The following ALDH1L1 variants were observed in gnomAD, a reference collection of about 807,000 sequenced individuals.
ALDH1L1 encodes cytosolic 10-formyltetrahydrofolate dehydrogenase.
A neutral mutation model predicts 101.1 loss-of-function variants in ALDH1L1; 68 were observed. The ratio of observed to expected loss-of-function variants is 0.67; its 90% confidence interval spans 0.55 to 0.82. ALDH1L1 has a LOEUF of 0.82. Among genes scored for constraint, ALDH1L1 ranks in the 40% least tolerant of loss-of-function variants. The pLI is 0.00. For missense variants in ALDH1L1, 1,087 were observed against 1,172.7 expected (o/e 0.93, Z 1.07); for synonymous variants, 486 against 470.8 (o/e 1.03, Z -0.42).
At chr3:126,177,440 G>T (rs1046626898) in intron 1 of ALDH1L1, among the ~76,000 whole-genome samples, 8 of 152,064 alleles carry the variant, frequency 5.3e-5, no homozygotes, top group African/African-American at 1.9e-4. Flanking sequence ...TTTGCTAAGC[G>T]AAAGAAGCCA....
intron 1 of ALDH1L1, among the ~76,000 whole-genome samples, chr3:126,164,877 C>G (rs938695456): frequency 1.3e-5 from 2 of 152,170 alleles, no homozygotes; most frequent in Admixed American, 6.5e-5. Flanking sequence ...TATAGCCTCA[C>G]CAGCACTGTT....
intron 7 of ALDH1L1, 38 bp downstream of exon 7, chr3:126,153,406 G>T (rs939044088): frequency 3.7e-6 from 6 of 1,610,148 alleles, no homozygotes; most frequent in African/African-American, 2.7e-5. Context: ...AGCATGGGTG[G>T]CTTTGAGCAG....
Position 126,197,223 on chromosome 3 carries a change from G to A in ALDH1L1, c.-24+512C>T, listed in dbSNP as rs186350549. On this transcript the variant is annotated intron_variant, in intron 1 of 2. Coordinates refer to the ALDH1L1 transcript ENST00000509952. ...TGTAAGTTATCTTTAGTAACGTTTC[G>A]CTGTTTCTGTAAGACTTTGCTGCCT... 1.7e-3 allele frequency among the ~76,000 whole-genome samples: 266 copies of A among 152,184 alleles called. 1 individual carries two copies. Among genetic ancestry groups the A allele is most frequent in the African/African-American group, 6.2e-3 (256 of 41,504 alleles).
intron 4 of ALDH1L1, 29 bp from the exon 5 acceptor site, chr3:126,155,532 C>T (rs1179556980): frequency 2.5e-6 from 4 of 1,592,628 alleles, no homozygotes; most frequent in Non-Finnish European, 3.4e-6. Context: ...TTGCTATCCC[C>T]AGCAATAGGA....
chr3:126,176,059 T>A (rs2081360075), intron 1 of ALDH1L1, among the ~76,000 whole-genome samples: 1 of 152,140 alleles, frequency 6.6e-6, no homozygotes, highest in African/African-American at 2.4e-5. Flanking sequence ...AATAAACAAT[T>A]GAAATTTGAG....
At chr3:126,147,883 C>T (rs1313804208) in intron 8 of ALDH1L1, among the ~76,000 whole-genome samples, 3 of 152,194 alleles carry the variant, frequency 2.0e-5, no homozygotes, top group African/African-American at 7.2e-5. Flanking sequence ...CTGTCTGCCA[C>T]ACACCTGCTG....
At chr3:126,183,065 G>A (rs902122835), upstream of ALDH1L1, among the ~76,000 whole-genome samples, 1 of 152,226 alleles carries the variant, frequency 6.6e-6, no homozygotes, top group African/African-American at 2.4e-5. Context: ...GCAGGCCAGT[G>A]CAAGGAAGAT....
At chr3:126,184,773 A>G (rs2081503325), upstream of ALDH1L1, among the ~76,000 whole-genome samples, 1 of 152,220 alleles carries the variant, frequency 6.6e-6, no homozygotes, top group Non-Finnish European at 1.5e-5. Flanking sequence ...TTGGGGAATC[A>G]GTAACTGGGA....
At chr3:126,180,731 A>G, upstream of ALDH1L1, 1 of 1,414,876 alleles carries the variant, frequency 7.1e-7, no homozygotes, top group East Asian at 2.5e-5. Flanking sequence ...GGGCGGGTCT[A>G]TAAATGCCAT....
intron 12 of ALDH1L1, among the ~76,000 whole-genome samples, chr3:126,133,313 G>C (rs2080352849): frequency 6.6e-6 from 1 of 152,198 alleles, no homozygotes; most frequent in African/African-American, 2.4e-5. Flanking sequence ...GGCTCCCACT[G>C]CATCACTGTG....
chr3:126,141,861 A>G (rs1341906770), intron 9 of ALDH1L1, among the ~76,000 whole-genome samples: 2 of 152,104 alleles, frequency 1.3e-5, no homozygotes, highest in East Asian at 1.9e-4. Flanking sequence ...TAGAACAGAG[A>G]TAAATGAAAT....
At chr3:126,161,610 T>C (rs1308006585) in intron 1 of ALDH1L1, among the ~76,000 whole-genome samples, 1 of 152,236 alleles carries the variant, frequency 6.6e-6, no homozygotes, top group Non-Finnish European at 1.5e-5. Context: ...TAGCTAATCA[T>C]GCACATTCTC....
At position 126,160,997 on chromosome 3, in the gene ALDH1L1, A is replaced by T; in HGVS notation, c.-18T>A. 3.7e-6 allele frequency: 6 copies of T among 1,614,132 alleles called. No homozygotes were observed. Among genetic ancestry groups the T allele is most frequent in the Non-Finnish European group, 5.1e-6 (6 of 1,180,018 alleles). On this transcript the variant is annotated 5_prime_UTR_variant, in exon 2 of 23. Transcript: ENST00000393434. ...ATCTTCATGGTAGCAGGAGGGTTGG[A>T]AGGACCTGGAGAAGGAATAAGGCAG...
At chr3:126,164,248 T>C (rs558337628) in intron 1 of ALDH1L1, among the ~76,000 whole-genome samples, 9 of 152,350 alleles carry the variant, frequency 5.9e-5, no homozygotes, top group African/African-American at 1.7e-4. Context: ...CTATTCAGGT[T>C]TTGGTGTAGC....
At chr3:126,144,437 C>T (rs2080631156) in intron 9 of ALDH1L1, among the ~76,000 whole-genome samples, 3 of 152,214 alleles carry the variant, frequency 2.0e-5, no homozygotes, top group Admixed American at 1.3e-4. Flanking sequence ...AGAGGACTCA[C>T]ATTTCCTGAT....
At chr3:126,160,822 A>C (rs775184232) in intron 2 of ALDH1L1, 31 bp downstream of exon 2, 1 of 1,609,348 alleles carries the variant, frequency 6.2e-7, no homozygotes, top group South Asian at 1.1e-5. Flanking sequence ...GCCGCCCTCC[A>C]TCAGCTTCCC....
At chr3:126,184,524 T>A (rs2081500968), upstream of ALDH1L1, among the ~76,000 whole-genome samples, 1 of 152,230 alleles carries the variant, frequency 6.6e-6, no homozygotes, top group African/African-American at 2.4e-5. Context: ...GCAGTGACAG[T>A]GGCTGGATAA....
At chr3:126,148,616 G>A (rs1428402780) in intron 8 of ALDH1L1, among the ~76,000 whole-genome samples, 2 of 152,134 alleles carry the variant, frequency 1.3e-5, no homozygotes, top group Admixed American at 1.3e-4. Flanking sequence ...ACAGCTAGAG[G>A]AGGACTTGAG....
chr3:126,159,717 G>A (rs1441793174), intron 2 of ALDH1L1, among the ~76,000 whole-genome samples: 1 of 152,232 alleles, frequency 6.6e-6, no homozygotes, highest in Non-Finnish European at 1.5e-5. Context: ...TGGGTCCAGG[G>A]TCAGCAGCTG....
Sources: allele counts gnomAD v4.1 joint callset (sites outside exome capture counted in the v4.1 genomes callset), GRCh38; gene constraint gnomAD v4.1.1; transcripts MANE v1.5; gene names NCBI Gene and HGNC (gene_info 2026-07-23, HGNC 2026-07-21).